Variants in TNIK observed in about 807,000 individuals in gnomAD.
The protein encoded by TNIK is TRAF2 and NCK interacting kinase.
In TNIK, 49 loss-of-function variants were observed where a neutral mutation model predicts 191.3. That is an observed-to-expected ratio of 0.26 (90% CI 0.20 to 0.32). The LOEUF is 0.32. Ranked by LOEUF, TNIK falls within the 10% of genes least tolerant of loss-of-function variation. TNIK has a pLI of 1.00. For synonymous variants in TNIK, 594 were observed against 600.9 expected (o/e 0.99, Z 0.17); for missense variants, 1,155 against 1,702.3 (o/e 0.68, Z 5.66).
intron 25 of TNIK, 110 bp from the exon 26 acceptor site, chr3:171,084,435 G>T: frequency 7.9e-7 from 1 of 1,272,194 alleles, no homozygotes; most frequent in Non-Finnish European, 1.1e-6. Context: ...TATAGTAAAG[G>T]CAAGGAAACT....
chr3:171,349,942 T>C (rs1559959379), intron 2 of TNIK, among the ~76,000 whole-genome samples: 1 of 152,174 alleles, frequency 6.6e-6, no homozygotes. Context: ...AGATCTTAAG[T>C]TGTTTTTAGT....
intron 2 of TNIK, among the ~76,000 whole-genome samples, chr3:171,345,888 A>G (rs1487382648): frequency 6.6e-6 from 1 of 152,180 alleles, no homozygotes; most frequent in East Asian, 1.9e-4. Flanking sequence ...TTATTTATCT[A>G]CAAGGCACAG....
intron 1 of TNIK, among the ~76,000 whole-genome samples, chr3:171,374,462 C>G (rs1716949307): frequency 1.3e-5 from 2 of 152,172 alleles, no homozygotes; most frequent in Non-Finnish European, 2.9e-5. Flanking sequence ...TTAATTCTCC[C>G]TCTTGTGTTT....
chr3:171,436,611 G>T (rs1726064016), intron 1 of TNIK, among the ~76,000 whole-genome samples: 1 of 152,140 alleles, frequency 6.6e-6, no homozygotes, highest in Non-Finnish European at 1.5e-5. Flanking sequence ...TTTCCTTCCT[G>T]TGACTTTGAA....
chr3:171,097,313 A>G (rs767101422), intron 22 of TNIK, among the ~76,000 whole-genome samples: 39 of 152,378 alleles, frequency 2.6e-4, no homozygotes, highest in Non-Finnish European at 4.9e-4. Flanking sequence ...GAACTGAGCA[A>G]TAAACAGTGT....
chr3:171,188,743 T>C lies in TNIK; in HGVS notation c.598A>G (p.Ile200Val). The change falls in exon 7 of 33, where the codon ATT (isoleucine) becomes GTT (valine). Residue 200 changes from isoleucine (I) to valine (V), a missense_variant. Transcript: ENST00000436636. ...GCATCTGGGTTTTCATCACAGGCAA[T>C]AACTTCTGGTGCCATCCAGTAGGGA... The part of the protein sequence containing the change: ...GTPYWMAPEV[I>V]ACDENPDATY... 1 of 1,613,666 alleles carries C rather than the reference T, an allele frequency of 6.2e-7. No individual in the cohort carries two copies. Among genetic ancestry groups the C allele is most frequent in the Non-Finnish European group, 8.5e-7 (1 of 1,179,608 alleles).
chr3:171,230,780 T>C (rs978184623), intron 2 of TNIK, among the ~76,000 whole-genome samples: 8 of 152,204 alleles, frequency 5.3e-5, no homozygotes, highest in African/African-American at 1.7e-4. Context: ...CCTGTGTGTA[T>C]TATTCCAAGG....
intron 28 of TNIK, among the ~76,000 whole-genome samples, chr3:171,072,714 A>C (rs533368138): frequency 6.6e-6 from 1 of 152,286 alleles, no homozygotes; most frequent in African/African-American, 2.4e-5. Context: ...TGATAACTTC[A>C]GTAAAGTTTC....
intron 26 of TNIK, 91 bp downstream of exon 26, chr3:171,084,064 G>GA: frequency 7.1e-7 from 1 of 1,402,720 alleles, no homozygotes; most frequent in South Asian, 1.7e-5. Context: ...GTGTTCTTTT[G>GA]ATGACAAGAT....
At chr3:171,301,182 A>G (rs71308507) in intron 2 of TNIK, among the ~76,000 whole-genome samples, 4,925 of 152,218 alleles carry the variant, frequency 0.032, 126 homozygotes, top group Admixed American at 0.05. Context: ...ATGTGATGCA[A>G]CAAGAAGGAT....
At chr3:171,257,239 G>A (rs983881458) in intron 2 of TNIK, among the ~76,000 whole-genome samples, 1 of 152,174 alleles carries the variant, frequency 6.6e-6, no homozygotes, top group South Asian at 2.1e-4. Flanking sequence ...CTAGAACTGG[G>A]AATTCATTTT....
chr3:171,119,371 A>G (rs1393560074), intron 18 of TNIK, among the ~76,000 whole-genome samples: 2 of 152,334 alleles, frequency 1.3e-5, no homozygotes, highest in African/African-American at 2.4e-5. Context: ...ACCATTGTGG[A>G]AGACAGTGTG....
chr3:171,090,584 A>C (rs1202121563), intron 23 of TNIK, among the ~76,000 whole-genome samples: 1 of 152,156 alleles, frequency 6.6e-6, no homozygotes, highest in Non-Finnish European at 1.5e-5. Context: ...AGGTCCATGG[A>C]GTCCCAGTAG....
chr3:171,422,544 T>A (rs1723959835), intron 1 of TNIK, among the ~76,000 whole-genome samples: 2 of 152,210 alleles, frequency 1.3e-5, no homozygotes, highest in South Asian at 2.1e-4. Context: ...CCTTTTTTGT[T>A]TTGTTAATGT....
chr3:171,092,937 G>A (rs989932573), intron 23 of TNIK, among the ~76,000 whole-genome samples: 14 of 152,198 alleles, frequency 9.2e-5, no homozygotes, highest in Non-Finnish European at 1.9e-4. Flanking sequence ...ATTCATTTCC[G>A]AGGAGAGAGT....
chr3:171,103,045 A>G (rs1417139446), intron 21 of TNIK, among the ~76,000 whole-genome samples: 1 of 152,180 alleles, frequency 6.6e-6, no homozygotes, highest in African/African-American at 2.4e-5. Flanking sequence ...ATTTCTTTCT[A>G]ATTTCATAGA....
chr3:171,410,776 C>T (rs1722293322), intron 1 of TNIK, among the ~76,000 whole-genome samples: 1 of 54,814 alleles, frequency 1.8e-5, no homozygotes, highest in South Asian at 8.9e-4. Context: ...AAGACTCCAT[C>T]TCAAAAAAAA....
intron 10 of TNIK, among the ~76,000 whole-genome samples, chr3:171,163,955 G>A (rs1189129357): frequency 6.6e-6 from 1 of 152,106 alleles, no homozygotes; most frequent in African/African-American, 2.4e-5. Context: ...CCAAAAGTTG[G>A]TCATAGAACA....
chr3:171,456,615 G>C (rs2108744448), intron 1 of TNIK, among the ~76,000 whole-genome samples: 1 of 152,310 alleles, frequency 6.6e-6, no homozygotes, highest in Middle Eastern at 3.4e-3. Flanking sequence ...ATGTGTCCTA[G>C]GTGATTTCAG....
Sources: gnomAD v4.1 joint callset for allele counts (sites outside exome capture counted in the v4.1 genomes callset) on GRCh38, gnomAD v4.1.1 for gene constraint, MANE v1.5 for transcripts, NCBI Gene and HGNC (gene_info 2026-07-23, HGNC 2026-07-21) for gene names.